Variants in IFT74 observed in about 807,000 individuals in gnomAD.
IFT74 encodes the protein intraflagellar transport 74.
In IFT74, 92 loss-of-function variants were observed where a neutral mutation model predicts 96.7. The ratio of observed to expected loss-of-function variants is 0.95; its 90% confidence interval spans 0.80 to 1.13. The LOEUF is 1.13. IFT74 is among the 50% of genes most tolerant of loss of function. IFT74 has a pLI of 0.00. For synonymous variants in IFT74, 223 were observed against 213.2 expected (o/e 1.05, Z -0.40); for missense variants, 811 against 698.2 (o/e 1.16, Z -1.82).
intron 6 of IFT74, among the ~76,000 whole-genome samples, chr9:26,986,580 G>A (rs1217779022): frequency 6.6e-6 from 1 of 152,034 alleles, no homozygotes; most frequent in Non-Finnish European, 1.5e-5. Flanking sequence ...GTCTCCCAAA[G>A]TGCTGGGATT....
chr9:27,011,334 A>T (rs1017135160), intron 9 of IFT74, among the ~76,000 whole-genome samples: 1 of 150,576 alleles, frequency 6.6e-6, no homozygotes, highest in African/African-American at 2.4e-5. Context: ...ATGAATGAGT[A>T]AACAGTTTAA....
chr9:26,961,083 GTTT>G (rs1349288699), intron 1 of IFT74, among the ~76,000 whole-genome samples: 2 of 118,468 alleles, frequency 1.7e-5, no homozygotes, highest in Non-Finnish European at 1.8e-5. Context: ...AGTGAATCTT[GTTT>G]TTTTTTTTTT....
rs1195371528 is a variant in IFT74 at position 27,009,090 on chromosome 9, A to G, written c.658A>G (p.Lys220Glu). The change falls in exon 9 of 20, where the codon AAA becomes GAA. Residue 220 changes from lysine (K) to glutamate (E), a missense_variant. Physicochemically the swap from Lys to Glu is moderately conservative, Grantham distance 56. Coordinates refer to ENST00000380062, the MANE Select transcript of IFT74 (RefSeq NM_025103.4). ...AAAACAAGCAACAGATGACATTATC[A>G]AAAATATGTCTTTTGAAAACCAAGT... ...QEKQATDDII[K>E]NMSFENQVKY... 1 of 1,612,510 alleles carries G rather than the reference A, an allele frequency of 6.2e-7. No individual in the cohort carries two copies. Among genetic ancestry groups the G allele is most frequent in the Admixed American group, 1.7e-5 (1 of 59,998 alleles).
chr9:26,959,457 G>A (rs1322663639), intron 1 of IFT74, among the ~76,000 whole-genome samples: 3 of 152,162 alleles, frequency 2.0e-5, no homozygotes, highest in Admixed American at 2.0e-4. Context: ...AAGGATGTAT[G>A]GGACAGTTAG....
At chr9:27,007,417 C>T (rs1828850363) in intron 8 of IFT74, among the ~76,000 whole-genome samples, 1 of 152,120 alleles carries the variant, frequency 6.6e-6, no homozygotes, top group Non-Finnish European at 1.5e-5. Flanking sequence ...GCTTCAGTAT[C>T]CTTAATTTAT....
At chr9:26,974,557 T>C (rs1827018323) in intron 2 of IFT74, among the ~76,000 whole-genome samples, 1 of 152,208 alleles carries the variant, frequency 6.6e-6, no homozygotes, top group Admixed American at 6.5e-5. Context: ...TCATTTCCCT[T>C]AGATCTTCCA....
chr9:27,019,609 G>A (rs1027281810), intron 12 of IFT74, among the ~76,000 whole-genome samples: 1 of 150,714 alleles, frequency 6.6e-6, no homozygotes. Context: ...TACATGCTTA[G>A]TATTTTATTA....
At chr9:26,953,851 A>C (rs955095588), upstream of IFT74, among the ~76,000 whole-genome samples, 5 of 152,098 alleles carry the variant, frequency 3.3e-5, no homozygotes, top group African/African-American at 1.2e-4. Flanking sequence ...CATCCTACAA[A>C]GACATTTTTG....
chr9:27,060,715 T>C (rs1820379462), intron 19 of IFT74, 64 bp downstream of exon 19: 5 of 1,209,442 alleles, frequency 4.1e-6, no homozygotes, highest in Non-Finnish European at 5.9e-6. Context: ...TCCCAACACT[T>C]TGGGAGGCCG....
chr9:26,995,152 C>T (rs925173848), intron 8 of IFT74: 2 of 155,084 alleles, frequency 1.3e-5, no homozygotes, highest in African/African-American at 2.4e-5. Context: ...TATTTCTTTA[C>T]TGATTGAAAC....
At chr9:27,045,492 A>G (rs901267944) in intron 14 of IFT74, among the ~76,000 whole-genome samples, 3 of 152,096 alleles carry the variant, frequency 2.0e-5, no homozygotes, top group Non-Finnish European at 4.4e-5. Flanking sequence ...CTCATTGTTT[A>G]TTAGCCCTCA....
Position 26,971,982 on chromosome 9 carries a change from A to G in IFT74, c.121-6146A>G, listed in dbSNP as rs1826901449. Among the ~76,000 whole-genome samples, 3 of 152,288 alleles carry G rather than the reference A, an allele frequency of 2.0e-5. No homozygotes were observed. In the South Asian group the frequency reaches 6.2e-4, roughly 32 times the overall value. On this transcript the variant is annotated intron_variant, in intron 2 of 19. Coordinates refer to ENST00000380062, the MANE Select transcript of IFT74 (RefSeq NM_025103.4). ...TTCTTCAAGAGTTTTTCCATCAGTT[A>G]CTGAATACCCATTATGTCTTTTCTC...
intron 19 of IFT74, chr9:27,061,066 T>G: frequency 4.6e-6 from 1 of 219,772 alleles, no homozygotes; most frequent in Non-Finnish European, 9.4e-6. Flanking sequence ...CAACACCTAC[T>G]TATTAAATAC....
intron 1 of IFT74, among the ~76,000 whole-genome samples, chr9:26,949,995 C>T (rs1490312445): frequency 6.6e-6 from 1 of 151,726 alleles, no homozygotes; most frequent in Non-Finnish European, 1.5e-5. Flanking sequence ...TACGTGACTC[C>T]AGGGCAGGAG....
chr9:27,036,566 C>T, intron 13 of IFT74: 2 of 1,597,220 alleles, frequency 1.3e-6, no homozygotes, highest in Non-Finnish European at 1.7e-6. Flanking sequence ...GAAGAATACC[C>T]TGCTATAGCC....
intron 2 of IFT74, among the ~76,000 whole-genome samples, chr9:26,970,887 T>G (rs987378347): frequency 6.6e-6 from 1 of 152,088 alleles, no homozygotes; most frequent in African/African-American, 2.4e-5. Context: ...GGTAACCGGG[T>G]TTCTAGGACT....
rs1368804834 is a variant in IFT74, at chr9:27,063,824, A to G, written c.*1088A>G. Among the ~76,000 whole-genome samples, 2 of 152,066 alleles carry G rather than the reference A, an allele frequency of 1.3e-5. No homozygotes were observed. The highest frequency in any genetic ancestry group is 4.8e-5 in the African/African-American group (2 of 41,440). Reference sequence around the variant, plus strand: ...TTCAAATTCAGTCTATATACATTTAAATAAAGGAGTGAGCATTGTTGAGTT... The same window carrying G: ...TTCAAATTCAGTCTATATACATTTAGATAAAGGAGTGAGCATTGTTGAGTT... On this transcript the variant is annotated 3_prime_UTR_variant, in exon 20 of 20. Coordinates refer to ENST00000380062, the MANE Select transcript of IFT74 (RefSeq NM_025103.4).
At chr9:26,996,433 G>T in intron 8 of IFT74, 2 of 1,598,770 alleles carry the variant, frequency 1.3e-6, no homozygotes, top group Non-Finnish European at 1.7e-6. Context: ...AGCCTTATGA[G>T]GTACTGTTTT....
intron 12 of IFT74, among the ~76,000 whole-genome samples, chr9:27,025,172 CG>C (rs1829800243): frequency 1.3e-5 from 2 of 151,986 alleles, no homozygotes. Flanking sequence ...TGGCTGAGCA[CG>C]GTGGCTCACA....
Sources: allele counts gnomAD v4.1 joint callset (sites outside exome capture counted in the v4.1 genomes callset), GRCh38; gene constraint gnomAD v4.1.1; transcripts MANE v1.5; gene names NCBI Gene and HGNC (gene_info 2026-07-23, HGNC 2026-07-21).